The following ATP11C variants were observed in gnomAD, a reference collection of about 807,000 sequenced individuals.
The protein encoded by ATP11C is phospholipid-transporting ATPase IG.
A neutral mutation model predicts 97.4 loss-of-function variants in ATP11C; 36 were observed. That is an observed-to-expected ratio of 0.37 (90% CI 0.28 to 0.49). ATP11C has a LOEUF of 0.49. Among genes scored for constraint, ATP11C ranks in the 20% least tolerant of loss-of-function variants. ATP11C has a pLI of 0.98. For synonymous variants in ATP11C, 275 were observed against 290.9 expected (o/e 0.95, Z 0.56); for missense variants, 730 against 824.6 (o/e 0.89, Z 1.40).
intron 1 of ATP11C, among the ~76,000 whole-genome samples, chrX:139,870,880 C>A (rs2084362095): frequency 9.1e-6 from 1 of 109,586 alleles, no homozygotes; most frequent in African/African-American, 3.3e-5. Flanking sequence ...CACGGTGAAA[C>A]CCCGTCTCTG....
chrX:139,914,897 T>C (rs961430325), intron 1 of ATP11C, among the ~76,000 whole-genome samples: 2 of 111,851 alleles, frequency 1.8e-5, no homozygotes, highest in Admixed American at 9.6e-5. Flanking sequence ...ATTGGTTCTG[T>C]TTCTCTGGAG....
At chrX:139,774,994 T>C in intron 18 of ATP11C, 41 bp from the exon 19 acceptor site, 1 of 1,151,828 alleles carries the variant, frequency 8.7e-7, no homozygotes, top group Non-Finnish European at 1.2e-6. Flanking sequence ...CTAAAACTCC[T>C]GACAAAGATT....
At chrX:139,828,463 G>T (rs1287694338) in intron 1 of ATP11C, among the ~76,000 whole-genome samples, 2 of 111,023 alleles carry the variant, frequency 1.8e-5, no homozygotes. Flanking sequence ...CCTGCCAGAT[G>T]TATAGTTTAT....
intron 28 of ATP11C, 78 bp from the exon 29 acceptor site, chrX:139,731,833 G>C: frequency 3.2e-6 from 2 of 616,677 alleles, no homozygotes; most frequent in Non-Finnish European, 4.8e-6. Flanking sequence ...TTAAAAAAAG[G>C]TAAAAGAAAA....
intron 1 of ATP11C, among the ~76,000 whole-genome samples, chrX:139,880,671 C>A (rs771558857): frequency 9.0e-6 from 1 of 111,440 alleles, no homozygotes; most frequent in South Asian, 3.8e-4. Flanking sequence ...GGTCAGATTC[C>A]CCACCTGATC....
chrX:139,771,129 G>T (rs2148692925), intron 19 of ATP11C, among the ~76,000 whole-genome samples: 1 of 111,471 alleles, frequency 9.0e-6, no homozygotes, highest in South Asian at 3.9e-4. Flanking sequence ...TTGTGGGAGG[G>T]ACCCAGGGGG....
chrX:139,858,569 A>G (rs770926870), intron 1 of ATP11C, among the ~76,000 whole-genome samples: 2 of 112,367 alleles, frequency 1.8e-5, no homozygotes, highest in Admixed American at 9.5e-5. Flanking sequence ...TACATGCAAT[A>G]TAAGAATAAT....
At chrX:139,866,343 C>CAAAAAAAAAAAAAAAAAAAA (rs57250412) in intron 1 of ATP11C, among the ~76,000 whole-genome samples, 6 of 27,550 alleles carry the variant, frequency 2.2e-4, no homozygotes, top group Admixed American at 1.2e-3. Context: ...GACTCTGTCT[C>CAAAAAAAAAAAAAAAAAAAA]AAAAAAAAAA....
Position 139,796,354 on chromosome X carries a change from T to C in ATP11C, c.1125A>G (p.Ser375=). 8.3e-7 allele frequency: 1 copy of C among 1,206,576 alleles called. No individual in the cohort carries two copies. Among genetic ancestry groups the C allele is most frequent in the African/African-American group, 1.7e-5 (1 of 57,747 alleles). The change falls in exon 12 of 30, where the codon TCA becomes TCG. Residue 375 remains serine (S), a synonymous_variant. Coordinates refer to ENST00000682941, the MANE Select transcript of ATP11C (RefSeq NM_001353812.2). The stretch of plus-strand genomic sequence containing the variant: ...CTTCATCATAAAAGTCCTTATCCCA[T>C]GAGATGAAGAAGGAGCCCAAGAATT... ...MQKFLGSFFI[S]WDKDFYDEEI...
intron 28 of ATP11C, chrX:139,732,472 T>C (rs754964943): frequency 5.4e-6 from 2 of 369,418 alleles, no homozygotes; most frequent in South Asian, 2.4e-5. Flanking sequence ...TGCTGGAAGT[T>C]TGAGAAAGCA....
At position 139,788,262 on chromosome X, in the gene ATP11C, T is replaced by C. The variant is rs1569455798; in HGVS notation, c.1450A>G (p.Thr484Ala). The part of the protein sequence containing the change: ...IKTNDAVDGA[T>A]ESAELTYISS... Reference sequence around the variant, plus strand: ...ATATAGGTTAATTCAGCTGATTCTGTAGCTCCATCAACAGCATCGTTTGTT... The same window carrying C: ...ATATAGGTTAATTCAGCTGATTCTGCAGCTCCATCAACAGCATCGTTTGTT... The change falls in exon 14 of 30, where the codon ACA becomes GCA. Residue 484 changes from threonine to alanine, a missense_variant. Thr to Ala is a moderately conservative substitution (Grantham distance 58). Coordinates refer to ENST00000682941, the MANE Select transcript of ATP11C (RefSeq NM_001353812.2). 1.7e-6 allele frequency: 2 copies of C among 1,207,307 alleles called. No homozygotes were observed. The highest frequency in any genetic ancestry group is 3.0e-5 in the East Asian group (1 of 33,811).
intron 5 of ATP11C, among the ~76,000 whole-genome samples, chrX:139,806,218 A>C (rs374109155): frequency 1.8e-5 from 2 of 111,536 alleles, no homozygotes; most frequent in South Asian, 3.8e-4. Flanking sequence ...AGGCCAGCCT[A>C]AGGGATTTAG....
chrX:139,811,357 A>G (rs944527268), intron 5 of ATP11C, among the ~76,000 whole-genome samples: 2 of 110,750 alleles, frequency 1.8e-5, no homozygotes, highest in African/African-American at 6.6e-5. Context: ...AGGATTGACA[A>G]CTCCAACTGT....
At chrX:139,735,741 T>C (rs141611032) in intron 28 of ATP11C, among the ~76,000 whole-genome samples, 8 of 110,310 alleles carry the variant, frequency 7.3e-5, no homozygotes, top group African/African-American at 2.6e-4. Flanking sequence ...TGCATTCATA[T>C]TGCACTACTT....
intron 5 of ATP11C, among the ~76,000 whole-genome samples, chrX:139,805,198 C>A (rs1269922446): frequency 9.0e-6 from 1 of 111,003 alleles, no homozygotes; most frequent in Non-Finnish European, 1.9e-5. Context: ...CAATGAGAAA[C>A]AATTTCTTAT....
chrX:139,924,047 A>G, intron 1 of ATP11C: 1 of 332,866 alleles, frequency 3.0e-6, no homozygotes, highest in Non-Finnish European at 6.4e-6. Context: ...ATAGAATGGG[A>G]TGAAGTGATG....
chrX:139,902,459 T>G (rs1259581972), intron 1 of ATP11C, among the ~76,000 whole-genome samples: 1 of 111,635 alleles, frequency 9.0e-6, no homozygotes, highest in Middle Eastern at 4.2e-3. Flanking sequence ...ATAACGACTA[T>G]AGTTTGTTCT....
intron 1 of ATP11C, among the ~76,000 whole-genome samples, chrX:139,891,217 A>G (rs1246058780): frequency 4.6e-5 from 5 of 108,000 alleles, no homozygotes; most frequent in Middle Eastern, 4.7e-3. Context: ...AAAAAAAAAA[A>G]AAGAAGGAAG....
intron 2 of ATP11C, among the ~76,000 whole-genome samples, chrX:139,822,085 C>CAA (rs147297958): frequency 4.7e-5 from 5 of 105,983 alleles, no homozygotes; most frequent in Non-Finnish European, 7.8e-5. Context: ...ACCTCTATGG[C>CAA]AAAAAAAAAA....
Sources: allele counts gnomAD v4.1 joint callset (sites outside exome capture counted in the v4.1 genomes callset), GRCh38; gene constraint gnomAD v4.1.1; transcripts MANE v1.5; gene names NCBI Gene and HGNC (gene_info 2026-07-23, HGNC 2026-07-21).